PIEZO1: variants seen among roughly 807,000 people sequenced by gnomAD.
PIEZO1 encodes the protein piezo-type mechanosensitive ion channel component 1.
A neutral mutation model predicts 297.2 loss-of-function variants in PIEZO1; 296 were observed. The ratio of observed to expected loss-of-function variants is 1.00; its 90% CI spans 0.91 to 1.10. The LOEUF is 1.10. Among genes scored for constraint, PIEZO1 ranks in the 50% least tolerant of loss-of-function variants. The pLI, the probability that PIEZO1 is intolerant of heterozygous loss-of-function variation, is 0.00. For missense variants in PIEZO1, 5,018 were observed against 3,455.5 expected, an observed-to-expected ratio of 1.45 and a Z score of -11.34; for synonymous variants, 2,427 against 1,507.5, an observed-to-expected ratio of 1.61 and a Z score of -14.13.
chr16:88,734,615 G>C (rs918916882), intron 15 of PIEZO1, 35 bp downstream of exon 15: 17 of 1,549,270 alleles, frequency 1.1e-5, no homozygotes, highest in Non-Finnish European at 1.5e-5. Flanking sequence ...ACGGGGTTTC[G>C]GCGCCCCTGC....
At chr16:88,750,770 G>T (rs1335149579) in intron 1 of PIEZO1, among the ~76,000 whole-genome samples, 1 of 152,176 alleles carries the variant, frequency 6.6e-6, no homozygotes, top group Non-Finnish European at 1.5e-5. Flanking sequence ...GCCTTTCCGG[G>T]GCTACCAGGG....
At chr16:88,752,415 G>A (rs1457743210) in intron 1 of PIEZO1, among the ~76,000 whole-genome samples, 3 of 152,244 alleles carry the variant, frequency 2.0e-5, no homozygotes, top group African/African-American at 7.2e-5. Flanking sequence ...CCAGGAGGCT[G>A]AGGCCGCAGT....
intron 1 of PIEZO1, among the ~76,000 whole-genome samples, chr16:88,758,885 T>G (rs142905932): frequency 1.3e-5 from 2 of 152,320 alleles, no homozygotes; most frequent in East Asian, 3.9e-4. Context: ...CACTGCCAAG[T>G]GATACAAGCC....
Position 88,738,006 on chromosome 16 carries a change from G to T in PIEZO1, c.948C>A (p.Pro316=), listed in dbSNP as rs761380154. The change falls in exon 8 of 51, where the codon CCC becomes CCA. Residue 316 remains proline (P), a synonymous_variant. Transcript: ENST00000301015. Reference sequence around the variant, plus strand: ...CGTAGCACAGCAGCAGGAGGACGCCGGGGCTGGCATACACAGGCCAGTCCA... The same window carrying T: ...CGTAGCACAGCAGCAGGAGGACGCCTGGGCTGGCATACACAGGCCAGTCCA... ...TGLDWPVYAS[P]GVLLLLCYAT... 14 of 1,535,368 alleles carry T rather than the reference G, an allele frequency of 9.1e-6. 1 individual carries two copies. In the South Asian group the frequency reaches 1.5e-4, roughly 17 times the overall value.
At chr16:88,720,797 G>A (rs1413478410) in intron 39 of PIEZO1, 49 bp from the exon 40 acceptor site, 7 of 1,448,650 alleles carry the variant, frequency 4.8e-6, no homozygotes, top group East Asian at 5.0e-5. Flanking sequence ...GACTGGGCCT[G>A]GCTCATGGCT....
At chr16:88,748,027 G>A (rs944710984) in intron 2 of PIEZO1, among the ~76,000 whole-genome samples, 15 of 152,214 alleles carry the variant, frequency 9.9e-5, no homozygotes, top group Admixed American at 8.5e-4. Context: ...AGCCTGATGC[G>A]TCCAGCACCT....
At position 88,716,620 on chromosome 16, in the gene PIEZO1, T is replaced by A. The variant is rs1232292171; in HGVS notation, c.6865A>T (p.Lys2289Ter). 6.5e-7 allele frequency: 1 copy of A among 1,549,876 alleles called. No individual in the cohort carries two copies. The highest frequency in any genetic ancestry group is 8.7e-7 in the Non-Finnish European group (1 of 1,146,902). ...GCCGTGCCGTTGTAGAGCTCCCGCTTCATCTGGGCACGGCTGGGGGGACTG... is the reference window on the plus strand; with the variant it reads ...GCCGTGCCGTTGTAGAGCTCCCGCTACATCTGGGCACGGCTGGGGGGACTG... Reference protein sequence around the residue: ...RISPPSRAQMKRELYNGTADI... With the variant: ...RISPPSRAQM The change falls in exon 47 of 51, where the codon AAG becomes TAG. Residue 2289 changes from lysine to a stop codon, truncating the protein, a stop_gained. Coordinates refer to ENST00000301015, the MANE Select transcript of PIEZO1 (RefSeq NM_001142864.4). LOFTEE classifies it high-confidence loss of function.
intron 22 of PIEZO1, 149 bp downstream of exon 22, chr16:88,731,557 G>A (rs1904808752): frequency 4.8e-6 from 3 of 625,098 alleles, no homozygotes; most frequent in South Asian, 3.9e-5. Context: ...GATGGCGCCT[G>A]GGTAGGATGT....
Position 88,723,879 on chromosome 16 carries a change from C to T in PIEZO1, c.4327G>A (p.Ala1443Thr). 3.3e-6 allele frequency: 5 copies of T among 1,531,592 alleles called. No homozygotes were observed. The highest frequency in any genetic ancestry group is 4.4e-6 in the Non-Finnish European group (5 of 1,129,736). The allele number at this position is 1,531,592 out of a possible 1,614,324, so 94.9% of individuals were successfully genotyped here. The change falls in exon 31 of 51, where the codon GCC (alanine) becomes ACC (threonine). Residue 1443 changes from alanine (A) to threonine (T), a missense_variant. Physicochemically the swap from Ala to Thr is moderately conservative, Grantham distance 58. Coordinates refer to ENST00000301015, the MANE Select transcript of PIEZO1 (RefSeq NM_001142864.4). ...GGGCTCTCCCACCTCACCTGGAAGG[C>T]ACTCTGTGCCGACGGCCTCGGGTCT... ...PEDPRPSAQS[A>T]FQLAYQAWVT...
At position 88,726,298 on chromosome 16, in the gene PIEZO1, G is replaced by A. The variant is rs2142784110; in HGVS notation, c.3954C>T (p.Ala1318=). ...CCCAAGCTTGCCTGGAGGCTAGCAG[G>A]GCGGTGGCCTGGAGGTCGGCCCTGA... ...LHVRADLQAT[A]LLASRGFALY... Residue 1318 remains alanine, a synonymous_variant, in exon 27 of 51, where the codon GCC becomes GCT. Coordinates refer to ENST00000301015, the MANE Select transcript of PIEZO1 (RefSeq NM_001142864.4). 3 of 1,549,270 alleles carry A rather than the reference G, an allele frequency of 1.9e-6. No homozygotes were observed. The highest frequency in any genetic ancestry group is 1.7e-4 in the Middle Eastern group (1 of 5,798).
At chr16:88,724,327 T>A (rs569466755) in intron 30 of PIEZO1, among the ~76,000 whole-genome samples, 9 of 152,104 alleles carry the variant, frequency 5.9e-5, no homozygotes, top group Non-Finnish European at 1.2e-4. Flanking sequence ...AGTCAGAGGT[T>A]CGAGACCAGC....
At chr16:88,723,466 T>G (rs1904299670) in intron 31 of PIEZO1, 138 bp from the exon 32 acceptor site, 1 of 1,004,102 alleles carries the variant, frequency 1.0e-6, no homozygotes, top group Non-Finnish European at 1.4e-6. Flanking sequence ...CCTGAGCCCC[T>G]CCCGGATGGG....
intron 2 of PIEZO1, chr16:88,742,861 G>A (rs113482128): frequency 7.3e-5 from 26 of 355,770 alleles, no homozygotes; most frequent in Middle Eastern, 4.4e-4. Context: ...CTGAGCAGCC[G>A]TGGCTGGGGT....
At chr16:88,731,185 G>C (rs1597453885) in intron 22 of PIEZO1, 3 of 159,124 alleles carry the variant, frequency 1.9e-5, no homozygotes, top group Admixed American at 1.2e-4. Context: ...CAAGAGACTA[G>C]AGCAAACATC....
Position 88,734,514 on chromosome 16 carries a change from C to G in PIEZO1, c.2022G>C (p.Gln674His). The stretch of plus-strand genomic sequence containing the variant: ...TGGAGAAGAGCTCGGACACGCTGAA[C>G]TGCTCCAGGCCCAGGTCCCCCAGCC... The part of the protein sequence containing the change: ...DEQLGDLGLE[Q>H]FSVSELFSSI... The change falls in exon 16 of 51, where the codon CAG (glutamine) becomes CAC (histidine). Residue 674 changes from glutamine to histidine, a missense_variant. Gln to His is a conservative substitution (Grantham distance 24). Transcript: ENST00000301015. The G allele has an allele frequency of 1.9e-6, 3 of 1,545,572 alleles. No individual in the cohort carries two copies. The highest frequency in any genetic ancestry group is 2.6e-6 in the Non-Finnish European group (3 of 1,144,346).
At chr16:88,736,777 T>A in intron 10 of PIEZO1, 38 bp from the exon 11 acceptor site, 2 of 1,322,516 alleles carry the variant, frequency 1.5e-6, no homozygotes, top group Non-Finnish European at 2.1e-6. Flanking sequence ...GGCAGGTTGA[T>A]CTGCAGGCCT....
chr16:88,718,174 G>C (rs1263100840), intron 44 of PIEZO1: 1 of 174,538 alleles, frequency 5.7e-6, no homozygotes, highest in African/African-American at 2.4e-5. Context: ...TCGGTCAACA[G>C]GGAACTGAGA....
At chr16:88,752,970 G>A (rs1362087683) in intron 1 of PIEZO1, among the ~76,000 whole-genome samples, 3 of 152,022 alleles carry the variant, frequency 2.0e-5, no homozygotes, top group Non-Finnish European at 4.4e-5. Flanking sequence ...GGGACATGGT[G>A]GACAGTTGGA....
rs771307810 is a variant in PIEZO1 at position 88,736,745 on chromosome 16, G to A, written c.1196-6C>T. 265 of 1,511,988 alleles carry A rather than the reference G, an allele frequency of 1.8e-4. No individual in the cohort carries two copies. The highest frequency in any genetic ancestry group is 4.1e-4 in the Admixed American group (20 of 48,820). The allele number at this position is 1,511,988 out of a possible 1,614,324, so 93.7% of individuals were successfully genotyped here. A position where few individuals can be genotyped will look rare whatever the true frequency, so the allele number is the denominator to read the frequency against. Reference sequence around the variant, plus strand: ...CTCAGCCCGCTTGGGCCGCACTGCAGGTGGGGACAGCGGTCAGCTTCGGCA... The same window carrying A: ...CTCAGCCCGCTTGGGCCGCACTGCAAGTGGGGACAGCGGTCAGCTTCGGCA... On this transcript the variant is annotated splice_region_variant and splice_polypyrimidine_tract_variant and intron_variant, in intron 10 of 50. Coordinates refer to ENST00000301015, the MANE Select transcript of PIEZO1 (RefSeq NM_001142864.4).
Sources: allele counts gnomAD v4.1 joint callset (sites outside exome capture counted in the v4.1 genomes callset), GRCh38; gene constraint gnomAD v4.1.1; transcripts MANE v1.5; gene names NCBI Gene and HGNC (gene_info 2026-07-23, HGNC 2026-07-21).